Variants in ANKFN1 observed in about 807,000 individuals in gnomAD.
ANKFN1 encodes the protein ankyrin repeat and fibronectin type III domain containing 1, also known as ankyrin repeat and fibronectin type-III domain-containing protein 1.
ANKFN1 carries 74 observed loss-of-function variants against 108.7 expected under a neutral mutation model. That is an observed-to-expected ratio of 0.68 (90% CI 0.56 to 0.83). ANKFN1 has a LOEUF of 0.83. Ranked by LOEUF, ANKFN1 falls within the 40% of genes least tolerant of loss-of-function variation. The pLI is 0.00. For synonymous variants in ANKFN1, 547 were observed against 516.2 expected (o/e 1.06, Z -0.81); for missense variants, 1,505 against 1,382.3 (o/e 1.09, Z -1.41).
intron 6 of ANKFN1, among the ~76,000 whole-genome samples, chr17:56,356,086 G>A (rs1261558258): frequency 2.0e-5 from 3 of 152,064 alleles, no homozygotes; most frequent in Non-Finnish European, 4.4e-5. Context: ...GATGTGTTTT[G>A]AAGTAGAGCT....
intron 6 of ANKFN1, among the ~76,000 whole-genome samples, chr17:56,368,517 T>C (rs1320873615): frequency 6.6e-6 from 1 of 151,764 alleles, no homozygotes; most frequent in East Asian, 1.9e-4. Context: ...CAACCTCAGG[T>C]GATCCACCTG....
At chr17:56,460,409 T>C (rs2049861731) in intron 14 of ANKFN1, among the ~76,000 whole-genome samples, 1 of 152,050 alleles carries the variant, frequency 6.6e-6, no homozygotes, top group Non-Finnish European at 1.5e-5. Context: ...GCTGAGATCG[T>C]GTCCCTGCAC....
At chr17:56,059,819 T>C (rs1024388760) in intron 4 of ANKFN1, among the ~76,000 whole-genome samples, 3 of 152,234 alleles carry the variant, frequency 2.0e-5, no homozygotes, top group African/African-American at 7.2e-5. Flanking sequence ...CTATGCTGTT[T>C]TGCTTACTGT....
At chr17:56,155,868 G>C (rs1439831785) in intron 1 of ANKFN1, among the ~76,000 whole-genome samples, 1 of 152,180 alleles carries the variant, frequency 6.6e-6, no homozygotes, top group East Asian at 1.9e-4. Flanking sequence ...AGAGGATAGT[G>C]TTCTATAGAT....
At chr17:56,382,612 C>G (rs1432976482) in intron 8 of ANKFN1, among the ~76,000 whole-genome samples, 1 of 151,792 alleles carries the variant, frequency 6.6e-6, no homozygotes, top group Non-Finnish European at 1.5e-5. Flanking sequence ...CACATAGGCT[C>G]AAAATAAAAG....
Position 56,440,513 on chromosome 17 carries a change from C to T in ANKFN1, c.1008+89C>T. Reference sequence around the variant, plus strand: ...CAAATGTCTATTCTGAAAGCAACAGCCAACGCCCAGTCCTCTGGCAACAAC... The same window carrying T: ...CAAATGTCTATTCTGAAAGCAACAGTCAACGCCCAGTCCTCTGGCAACAAC... On this transcript the variant is annotated intron_variant, in intron 9 of 20. Transcript: ENST00000682825. 3.0e-6 allele frequency: 3 copies of T among 1,015,762 alleles called. No individual in the cohort carries two copies. The South Asian group carries it at 4.3e-5, about 15-fold the overall frequency. The allele number at this position is 1,015,762 out of a possible 1,614,324, so 62.9% of individuals were successfully genotyped here. A position where few individuals can be genotyped will look rare whatever the true frequency, so the allele number is the denominator to read the frequency against.
At chr17:56,129,280 C>T (rs927360435) in intron 4 of ANKFN1, among the ~76,000 whole-genome samples, 2 of 152,154 alleles carry the variant, frequency 1.3e-5, no homozygotes, top group African/African-American at 4.8e-5. Context: ...TTTTATTCAG[C>T]CCAGTCCACT....
chr17:56,098,980 T>C (rs992775255), intron 4 of ANKFN1, among the ~76,000 whole-genome samples: 1 of 152,142 alleles, frequency 6.6e-6, no homozygotes, highest in African/African-American at 2.4e-5. Flanking sequence ...GTGAGCTGCA[T>C]CTTTCCAGCC....
At chr17:56,245,745 A>G (rs554751322) in intron 3 of ANKFN1, 2 of 152,292 alleles carry the variant, frequency 1.3e-5, no homozygotes, top group African/African-American at 2.4e-5. Flanking sequence ...ATCAAGGGAA[A>G]AGCACTTTTC....
At chr17:56,414,390 T>G (rs2048180360) in intron 8 of ANKFN1, among the ~76,000 whole-genome samples, 1 of 152,116 alleles carries the variant, frequency 6.6e-6, no homozygotes, top group South Asian at 2.1e-4. Context: ...CCAAACTCAT[T>G]CTACAAGGCT....
chr17:56,346,551 C>T (rs1028716285), intron 4 of ANKFN1, among the ~76,000 whole-genome samples: 20 of 151,970 alleles, frequency 1.3e-4, no homozygotes, highest in Admixed American at 5.3e-4. Context: ...ACAAAGCTTG[C>T]TGTTCTTACT....
At chr17:56,273,034 A>G (rs1028416353) in intron 3 of ANKFN1, among the ~76,000 whole-genome samples, 1 of 152,208 alleles carries the variant, frequency 6.6e-6, no homozygotes, top group African/African-American at 2.4e-5. Flanking sequence ...TAACACCCTA[A>G]GACATCAATT....
intron 8 of ANKFN1, among the ~76,000 whole-genome samples, chr17:56,422,577 A>G (rs188526931): frequency 2.0e-5 from 3 of 152,286 alleles, no homozygotes; most frequent in East Asian, 1.9e-4. Context: ...TCAGTATCCA[A>G]TGTTGGCAAA....
chr17:56,147,743 A>T (rs896965712), intron 4 of ANKFN1, among the ~76,000 whole-genome samples: 9 of 152,176 alleles, frequency 5.9e-5, no homozygotes, highest in African/African-American at 2.2e-4. Context: ...CTTCATATCC[A>T]TGATGTTATT....
chr17:56,461,408 G>C (rs1409630936), intron 14 of ANKFN1, among the ~76,000 whole-genome samples: 6 of 152,060 alleles, frequency 3.9e-5, no homozygotes, highest in Non-Finnish European at 8.8e-5. Context: ...ATATCCCTTG[G>C]CTTCCACAAT....
At chr17:56,443,105 A>G (rs765566344) in intron 10 of ANKFN1, among the ~76,000 whole-genome samples, 172 bp downstream of exon 10, 1 of 152,190 alleles carries the variant, frequency 6.6e-6, no homozygotes, top group Non-Finnish European at 1.5e-5. Flanking sequence ...GCTCCTGGGG[A>G]AGCAGCTCAG....
At chr17:56,427,491 C>T (rs1315642540) in intron 8 of ANKFN1, among the ~76,000 whole-genome samples, 1 of 152,022 alleles carries the variant, frequency 6.6e-6, no homozygotes, top group African/African-American at 2.4e-5. Flanking sequence ...TACAGAACAC[C>T]TTTATGAGAC....
intron 8 of ANKFN1, among the ~76,000 whole-genome samples, chr17:56,417,085 A>G (rs1400676000): frequency 6.6e-6 from 1 of 151,642 alleles, no homozygotes; most frequent in Non-Finnish European, 1.5e-5. Context: ...GTTGGGGGGA[A>G]TAGTGGGGGT....
chr17:56,414,997 G>A (rs2048199312), intron 8 of ANKFN1, among the ~76,000 whole-genome samples: 1 of 151,872 alleles, frequency 6.6e-6, no homozygotes, highest in South Asian at 2.1e-4. Flanking sequence ...TCTGGCCTTG[G>A]TGACAGAGTG....
Sources: allele counts gnomAD v4.1 joint callset (sites outside exome capture counted in the v4.1 genomes callset), GRCh38; gene constraint gnomAD v4.1.1; transcripts MANE v1.5; gene names NCBI Gene and HGNC (gene_info 2026-07-23, HGNC 2026-07-21).